HIBADH: variants seen among roughly 807,000 people sequenced by gnomAD.
The protein encoded by HIBADH is 3-hydroxyisobutyrate dehydrogenase.
A neutral mutation model predicts 36.1 loss-of-function variants in HIBADH; 25 were observed. That is an observed-to-expected ratio of 0.69 (90% CI 0.50 to 0.97). HIBADH has a LOEUF of 0.97. Ranked by LOEUF, HIBADH falls within the 50% of genes least tolerant of loss-of-function variation. The pLI, the probability that HIBADH is intolerant of heterozygous loss-of-function variation, is 0.00. For synonymous variants in HIBADH, 160 were observed against 149.5 expected, an observed-to-expected ratio of 1.07 and a Z score of -0.51; for missense variants, 421 against 418.0, an observed-to-expected ratio of 1.01 and a Z score of -0.06.
intron 4 of HIBADH, among the ~76,000 whole-genome samples, chr7:27,592,979 C>T (rs976673973): frequency 1.3e-5 from 2 of 152,134 alleles, no homozygotes; most frequent in Admixed American, 1.3e-4. Context: ...GCCTAGTTAA[C>T]TCATACTCTC....
intron 4 of HIBADH, among the ~76,000 whole-genome samples, chr7:27,568,934 T>C (rs1411730890): frequency 6.9e-6 from 1 of 145,246 alleles, no homozygotes; most frequent in East Asian, 2.1e-4. Context: ...TTTTTTTTTG[T>C]ACCACACTCA....
Position 27,531,320 on chromosome 7 carries a change from T to C in HIBADH, c.724A>G (p.Lys242Glu), listed in dbSNP as rs752194399. ...RLGLDPKLLA[K>E]ILNMSSGRCW... ...CGTCCTGAGCTCATATTTAGGATTT[T>C]AGCCAGTAGTTTTGGGTCAAGCCCT... The change falls in exon 7 of 8, where the codon AAA (lysine) becomes GAA (glutamate). Residue 242 changes from lysine to glutamate, a missense_variant. Lys to Glu is a moderately conservative substitution (Grantham distance 56). Coordinates refer to ENST00000265395, the MANE Select transcript of HIBADH (RefSeq NM_152740.4). 5.6e-6 allele frequency: 9 copies of C among 1,613,350 alleles called. No individual in the cohort carries two copies. The South Asian group carries it at 9.9e-5, about 18-fold the overall frequency.
chr7:27,606,097 T>A (rs199508219), intron 4 of HIBADH, among the ~76,000 whole-genome samples: 1 of 12,166 alleles, frequency 8.2e-5, no homozygotes, highest in East Asian at 0.045. Context: ...CATTTAAACA[T>A]CATAAAACAT....
At chr7:27,557,521 T>C (rs1040528424) in intron 4 of HIBADH, among the ~76,000 whole-genome samples, 8 of 152,178 alleles carry the variant, frequency 5.3e-5, no homozygotes, top group African/African-American at 1.9e-4. Flanking sequence ...ATGTATTTTT[T>C]CACAGTTTTG....
chr7:27,560,733 T>A (rs1411014181), intron 4 of HIBADH, among the ~76,000 whole-genome samples: 2 of 152,188 alleles, frequency 1.3e-5, no homozygotes, highest in African/African-American at 4.8e-5. Context: ...TATCCACTGA[T>A]GGACATTTGG....
At chr7:27,632,307 G>T in intron 3 of HIBADH, 29 bp downstream of exon 3, 2 of 1,392,632 alleles carry the variant, frequency 1.4e-6, no homozygotes, top group Non-Finnish European at 1.0e-6. Context: ...ATCATAACAA[G>T]AAAATATCCA....
Position 27,658,159 on chromosome 7 carries a change from C to A in HIBADH, c.91+4539G>T, listed in dbSNP as rs182181934. On this transcript the variant is annotated intron_variant, in intron 1 of 7. Transcript: ENST00000265395. ...CTTGGCAAATATAAAATAATTTGCACCCAAAGGGGCAGAAATCCATGAGTA... is the reference window on the plus strand; with the variant it reads ...CTTGGCAAATATAAAATAATTTGCAACCAAAGGGGCAGAAATCCATGAGTA... Among the ~76,000 whole-genome samples the A allele has an allele frequency of 2.0e-3, 301 of 151,814 alleles. 1 individual carries two copies. The highest frequency in any genetic ancestry group is 7.1e-3 in the African/African-American group (293 of 41,172).
intron 6 of HIBADH, among the ~76,000 whole-genome samples, chr7:27,533,702 G>C (rs1315020897): frequency 1.3e-5 from 2 of 152,094 alleles, no homozygotes; most frequent in Non-Finnish European, 2.9e-5. Flanking sequence ...GTCTATCCTA[G>C]AACGTCATGC....
intron 4 of HIBADH, among the ~76,000 whole-genome samples, chr7:27,579,765 G>A (rs1391294468): frequency 6.6e-6 from 1 of 152,098 alleles, no homozygotes; most frequent in Non-Finnish European, 1.5e-5. Context: ...ACAACATTAC[G>A]TTTAGAAATG....
intron 4 of HIBADH, among the ~76,000 whole-genome samples, chr7:27,595,582 GTGT>G (rs1785020478): frequency 9.5e-5 from 1 of 10,512 alleles, no homozygotes; most frequent in South Asian, 1.8e-3. Flanking sequence ...AAGGGCAGGT[GTGT>G]GTGTGTGTGT....
chr7:27,651,913 G>T (rs150177633), intron 1 of HIBADH, among the ~76,000 whole-genome samples: 2 of 152,260 alleles, frequency 1.3e-5, no homozygotes, highest in Admixed American at 1.3e-4. Context: ...ATCTGACCTG[G>T]ATATTATACA....
intron 4 of HIBADH, among the ~76,000 whole-genome samples, chr7:27,619,995 C>A (rs1785508921): frequency 1.3e-5 from 2 of 152,134 alleles, no homozygotes; most frequent in African/African-American, 4.8e-5. Flanking sequence ...GCTAAAAGAT[C>A]TTCTTCACTA....
At chr7:27,556,415 ATGTG>A (rs1021594492) in intron 4 of HIBADH, among the ~76,000 whole-genome samples, 5 of 151,310 alleles carry the variant, frequency 3.3e-5, no homozygotes, top group African/African-American at 9.8e-5. Context: ...TGTCACAAAG[ATGTG>A]TGTGTGTTTT....
intron 5 of HIBADH, 84 bp downstream of exon 5, chr7:27,542,883 G>A: frequency 7.3e-7 from 1 of 1,366,912 alleles, no homozygotes; most frequent in African/African-American, 1.5e-5. Context: ...GAAGAAAGAA[G>A]AATAAAAATA....
intron 4 of HIBADH, among the ~76,000 whole-genome samples, chr7:27,579,257 T>C (rs1583579313): frequency 6.6e-6 from 1 of 152,216 alleles, no homozygotes; most frequent in South Asian, 2.1e-4. Context: ...CGATATATAC[T>C]AAAAGTATTT....
At chr7:27,640,911 T>C (rs1485542914) in intron 2 of HIBADH, among the ~76,000 whole-genome samples, 2 of 152,208 alleles carry the variant, frequency 1.3e-5, no homozygotes, top group African/African-American at 2.4e-5. Context: ...ACCACCTTTA[T>C]GTATGCAGTC....
chr7:27,629,482 T>C lies in HIBADH; in HGVS notation c.373A>G (p.Lys125Glu). 1 of 1,574,358 alleles carries C rather than the reference T, an allele frequency of 6.4e-7. No homozygotes were observed. The highest frequency in any genetic ancestry group is 1.2e-5 in the South Asian group (1 of 82,858). The change falls in exon 4 of 8, where the codon AAG becomes GAG. Residue 125 changes from lysine (K) to glutamate (E), a missense_variant. By Grantham distance (56) the Lys-to-Glu change is moderately conservative. Transcript: ENST00000265395. Reference sequence around the variant, plus strand: ...CTGGAATCTATTAATAATGAGCCCTTCTTCACTTTTCTAAGTAAATAAATA... The same window carrying C: ...CTGGAATCTATTAATAATGAGCCCTCCTTCACTTTTCTAAGTAAATAAATA... ...GANGILKKVK[K>E]GSLLIDSSTI...
chr7:27,642,861 C>T lies in HIBADH; in HGVS notation c.252+6612G>A, dbSNP rs537185170. On this transcript the variant is annotated intron_variant, in intron 2 of 7. Transcript: ENST00000265395. Reference sequence around the variant, plus strand: ...AGAGACGGGGTTTCACCGTTTTAGCCGGGATGGTCTCGATCTCCTGACCTC... The same window carrying T: ...AGAGACGGGGTTTCACCGTTTTAGCTGGGATGGTCTCGATCTCCTGACCTC... Among the ~76,000 whole-genome samples the T allele has an allele frequency of 3.3e-3, 504 of 152,086 alleles. 3 individuals are homozygous for T. The highest frequency in any genetic ancestry group is 0.012 in the African/African-American group (480 of 41,496).
chr7:27,602,801 G>A (rs2391444), intron 4 of HIBADH, among the ~76,000 whole-genome samples: 121,345 of 152,086 alleles, frequency 0.8, 48,848 homozygotes, highest in East Asian at 0.97. Flanking sequence ...ACATGCAAAC[G>A]TACTTTCTCA....
Sources: gnomAD v4.1 joint callset for allele counts (sites outside exome capture counted in the v4.1 genomes callset) on GRCh38, gnomAD v4.1.1 for gene constraint, MANE v1.5 for transcripts, NCBI Gene and HGNC (gene_info 2026-07-23, HGNC 2026-07-21) for gene names.